Variants in PPP4R3B observed in about 807,000 individuals in gnomAD.
The protein encoded by PPP4R3B is protein phosphatase 4 regulatory subunit 3B.
PPP4R3B carries 52 observed loss-of-function variants against 95.4 expected under a neutral mutation model. The observed-to-expected ratio is 0.54, with a 90% confidence interval of 0.44 to 0.69. The LOEUF (loss-of-function observed/expected upper bound fraction) is 0.69. Ranked by LOEUF, PPP4R3B falls within the 30% of genes least tolerant of loss-of-function variation. The probability of loss-of-function intolerance (pLI) is 0.00; values close to 1 mark genes in which losing one functional copy is unlikely to be tolerated. For synonymous variants in PPP4R3B, 407 were observed against 343.9 expected (o/e 1.18, Z -2.03); for missense variants, 1,003 against 1,005.9 (o/e 1.00, Z 0.04).
In PPP4R3B at chr2:55,617,475, C is replaced by G; in HGVS notation, c.-190G>C. 1 of 544,656 alleles carries G rather than the reference C, an allele frequency of 1.8e-6. No individual in the cohort carries two copies. The allele number at this position is 544,656 out of a possible 1,614,324, so 33.7% of individuals were successfully genotyped here. On this transcript the variant is annotated 5_prime_UTR_variant, in exon 1 of 17. Transcript: ENST00000616407. ...GACAAGAGCCACTGAGGCCTCTCCG[C>G]CCGGAGGCCCCGTTACCTCTCACTT... is the stretch of plus-strand genomic sequence containing the variant.
intron 3 of PPP4R3B, among the ~76,000 whole-genome samples, chr2:55,600,402 G>C (rs997658469): frequency 3.5e-5 from 4 of 115,072 alleles, no homozygotes; most frequent in Non-Finnish European, 6.7e-5. Flanking sequence ...CTCTTGCCTG[G>C]GCAACGAGAG....
At chr2:55,578,421 A>C in intron 9 of PPP4R3B, 79 bp from the exon 10 acceptor site, 1 of 1,173,050 alleles carries the variant, frequency 8.5e-7, no homozygotes, top group Non-Finnish European at 1.1e-6. Context: ...TTATCTATAT[A>C]TTTCTGTAAG....
chr2:55,575,007 G>C (rs539210112), intron 11 of PPP4R3B, among the ~76,000 whole-genome samples: 27 of 143,020 alleles, frequency 1.9e-4, no homozygotes, highest in Admixed American at 1.7e-3. Flanking sequence ...GTGCGATCTC[G>C]GCTCACTGCA....
chr2:55,585,766 A>G (rs968943695), intron 6 of PPP4R3B, among the ~76,000 whole-genome samples: 1 of 152,228 alleles, frequency 6.6e-6, no homozygotes, highest in East Asian at 1.9e-4. Context: ...TTCTGAAAAC[A>G]CTCCCCAACC....
chr2:55,554,330 A>G (rs1373768193), intron 16 of PPP4R3B, among the ~76,000 whole-genome samples: 2 of 152,232 alleles, frequency 1.3e-5, no homozygotes, highest in Non-Finnish European at 2.9e-5. Context: ...CTGGGATTAC[A>G]GGCATAAGCC....
chr2:55,610,684 G>A (rs998539817), intron 2 of PPP4R3B, among the ~76,000 whole-genome samples: 2 of 152,118 alleles, frequency 1.3e-5, no homozygotes, highest in Non-Finnish European at 2.9e-5. Flanking sequence ...GTTGCCTCAT[G>A]TGTGAAATGC....
chr2:55,576,151 A>G (rs1688632018), intron 11 of PPP4R3B, among the ~76,000 whole-genome samples: 1 of 151,736 alleles, frequency 6.6e-6, no homozygotes, highest in South Asian at 2.1e-4. Context: ...GTTTGAGACC[A>G]TTCTGGCCAA....
At chr2:55,603,082 G>A (rs1402283911) in intron 3 of PPP4R3B, among the ~76,000 whole-genome samples, 1 of 151,772 alleles carries the variant, frequency 6.6e-6, no homozygotes, top group African/African-American at 2.4e-5. Context: ...CCACCCTAGT[G>A]GCTGGGACTA....
intron 16 of PPP4R3B, among the ~76,000 whole-genome samples, chr2:55,554,222 G>T (rs371998600): frequency 2.4e-4 from 37 of 152,246 alleles, no homozygotes; most frequent in African/African-American, 8.4e-4. Flanking sequence ...GTGCCACCAT[G>T]TCCAGCTAAT....
chr2:55,571,063 C>A (rs1173320135), intron 12 of PPP4R3B, among the ~76,000 whole-genome samples: 1 of 152,166 alleles, frequency 6.6e-6, no homozygotes, highest in East Asian at 1.9e-4. Flanking sequence ...GTAATCTCAG[C>A]CCTTTGGGAG....
At chr2:55,575,383 T>C (rs1238470290) in intron 11 of PPP4R3B, among the ~76,000 whole-genome samples, 4 of 152,206 alleles carry the variant, frequency 2.6e-5, no homozygotes. Context: ...AAATTTTAAT[T>C]TATGTCAAGG....
intron 3 of PPP4R3B, among the ~76,000 whole-genome samples, chr2:55,602,786 A>T (rs1366595037): frequency 6.6e-6 from 1 of 152,150 alleles, no homozygotes; most frequent in Non-Finnish European, 1.5e-5. Context: ...TGGTTATTGG[A>T]ATCTGTATCA....
chr2:55,604,076 C>T lies in PPP4R3B; in HGVS notation c.199G>A (p.Asp67Asn). The T allele has an allele frequency of 6.3e-7, 1 of 1,595,466 alleles. No individual in the cohort carries two copies. The highest frequency in any genetic ancestry group is 8.5e-7 in the Non-Finnish European group (1 of 1,172,372). Residue 67 changes from aspartate (D) to asparagine (N), a missense_variant and splice_region_variant, in exon 3 of 17, where the codon GAT becomes AAT. Transcript: ENST00000616407. Reference sequence around the variant, plus strand: ...GCTTCTGACCAAACAATTAATGTATCCTGTTTAAAAATAAATATTTCCATA... The same window carrying T: ...GCTTCTGACCAAACAATTAATGTATTCTGTTTAAAAATAAATATTTCCATA... ...NPNTAYQKQQ[D>N]TLIVWSEAEN...
At chr2:55,597,491 G>A (rs1466502078) in intron 4 of PPP4R3B, among the ~76,000 whole-genome samples, 6 of 152,110 alleles carry the variant, frequency 3.9e-5, no homozygotes, top group African/African-American at 7.2e-5. Context: ...GCGTGATGGC[G>A]GGCGCCTGTA....
intron 11 of PPP4R3B, among the ~76,000 whole-genome samples, chr2:55,576,644 G>C (rs1339393043): frequency 6.6e-6 from 1 of 151,980 alleles, no homozygotes; most frequent in African/African-American, 2.4e-5. Context: ...GGAGCTTGCA[G>C]TGAGCCGAGA....
chr2:55,571,284 T>G (rs1044386651), intron 12 of PPP4R3B, among the ~76,000 whole-genome samples: 1 of 150,560 alleles, frequency 6.6e-6, no homozygotes, highest in African/African-American at 2.4e-5. Context: ...CACTCCAGCC[T>G]GGGCAACAGA....
Position 55,573,615 on chromosome 2 carries a change from T to G in PPP4R3B, c.1765+4A>C. ...TGTTGCTCCTTAAAACATTTTATAC[T>G]TACACAAGGCCAGAAAAGTGTGCTT... is the stretch of plus-strand genomic sequence containing the variant. On this transcript the variant is annotated splice_donor_region_variant and intron_variant, in intron 12 of 16. Transcript: ENST00000616407. 1 of 1,529,518 alleles carries G rather than the reference T, an allele frequency of 6.5e-7. No homozygotes were observed. The highest frequency in any genetic ancestry group is 8.8e-7 in the Non-Finnish European group (1 of 1,141,312). The allele number at this position is 1,529,518 out of a possible 1,614,324, so 94.7% of individuals were successfully genotyped here.
chr2:55,566,791 G>A (rs1170806674), intron 13 of PPP4R3B, among the ~76,000 whole-genome samples: 1 of 152,128 alleles, frequency 6.6e-6, no homozygotes, highest in African/African-American at 2.4e-5. Flanking sequence ...AGAACTGGTT[G>A]AGCCTAGGCG....
chr2:55,555,825 T>C (rs1685786259), intron 16 of PPP4R3B, among the ~76,000 whole-genome samples: 1 of 152,172 alleles, frequency 6.6e-6, no homozygotes, highest in Non-Finnish European at 1.5e-5. Flanking sequence ...CAAGATAAAT[T>C]TGCTACACAA....
Sources: allele counts gnomAD v4.1 joint callset (sites outside exome capture counted in the v4.1 genomes callset), GRCh38; gene constraint gnomAD v4.1.1; transcripts MANE v1.5; gene names NCBI Gene and HGNC (gene_info 2026-07-23, HGNC 2026-07-21).